Variants in REPS1 observed in about 807,000 individuals in gnomAD.
REPS1 encodes RALBP1 associated Eps domain containing 1, also known as ralBP1-associated Eps domain-containing protein 1.
In REPS1, 39 loss-of-function variants were observed where a neutral mutation model predicts 100.9. The observed-to-expected ratio is 0.39, with a 90% CI of 0.30 to 0.50. The LOEUF (loss-of-function observed/expected upper bound fraction) is 0.50. REPS1 is among the 20% of genes least tolerant of loss of function. The pLI, the probability that REPS1 is intolerant of heterozygous loss-of-function variation, is 0.86. For missense variants in REPS1, 821 were observed against 968.5 expected, an observed-to-expected ratio of 0.85 and a Z score of 2.02; for synonymous variants, 324 against 340.3, an observed-to-expected ratio of 0.95 and a Z score of 0.53.
intron 1 of REPS1, among the ~76,000 whole-genome samples, chr6:138,949,859 T>A (rs1011465393): frequency 1.3e-5 from 2 of 152,146 alleles, no homozygotes; most frequent in Non-Finnish European, 2.9e-5. Flanking sequence ...TAAGTGTGTG[T>A]AGAATTGATG....
At chr6:138,935,521 A>C (rs903380727) in intron 8 of REPS1, among the ~76,000 whole-genome samples, 1 of 152,164 alleles carries the variant, frequency 6.6e-6, no homozygotes, top group African/African-American at 2.4e-5. Context: ...TGTCTTAAAA[A>C]TCTACAGAGA....
At chr6:138,987,468 C>T (rs1404190147) in intron 1 of REPS1, 62 bp downstream of exon 1, 2 of 1,418,152 alleles carry the variant, frequency 1.4e-6, no homozygotes, top group African/African-American at 1.5e-5. Flanking sequence ...CGCCCACTCC[C>T]ACTCCTGGAG....
intron 17 of REPS1, among the ~76,000 whole-genome samples, chr6:138,910,373 G>A (rs904772374): frequency 3.3e-5 from 5 of 151,836 alleles, no homozygotes; most frequent in African/African-American, 1.2e-4. Context: ...TTCTTTTTTT[G>A]AGACAGGGTC....
At chr6:138,949,796 T>C (rs931740968) in intron 1 of REPS1, among the ~76,000 whole-genome samples, 1 of 152,210 alleles carries the variant, frequency 6.6e-6, no homozygotes, top group African/African-American at 2.4e-5. Context: ...AATTCATTTA[T>C]TCAATGACTA....
chr6:138,986,333 C>G (rs771280121), intron 1 of REPS1, among the ~76,000 whole-genome samples: 2 of 152,210 alleles, frequency 1.3e-5, no homozygotes, highest in Non-Finnish European at 2.9e-5. Flanking sequence ...TTAAAAAGAT[C>G]GAACTCGTTC....
rs1562510627 is a variant in REPS1 at position 138,911,464 on chromosome 6, A to T, written c.1972-93T>A. On this transcript the variant is annotated intron_variant, in intron 16 of 19. Transcript: ENST00000450536. ...GTACCAAATCAGAATAAAATGTTAA[A>T]TATTCTGACAAGAAAACTGAGATGA... The T allele has an allele frequency of 5.9e-6, 5 of 854,028 alleles. 1 individual carries two copies. The East Asian group carries it at 8.0e-5, about 14-fold the overall frequency. 52.9% of individuals were successfully genotyped at this position (854,028 alleles called of 1,614,324 possible).
chr6:138,986,497 T>TAC lies in REPS1; in HGVS notation c.153+1032_153+1033insGT, dbSNP rs144194021. 5.2e-3 allele frequency among the ~76,000 whole-genome samples: 788 copies of TAC among 152,282 alleles called. 15 individuals are homozygous for TAC. The highest frequency in any genetic ancestry group is 0.043 in the Admixed American group (651 of 15,290). On this transcript the variant is annotated intron_variant, in intron 1 of 19. Coordinates refer to ENST00000450536, the MANE Select transcript of REPS1 (RefSeq NM_001286611.2). ...AAAATGGAAAGTGCCTGACCCAAAG[T>TAC]CACACTGCTGGTTAACAGCAGAGTA...
At position 138,943,937 on chromosome 6, in the gene REPS1, G is replaced by A. The variant is rs371776621; in HGVS notation, c.832C>T (p.Pro278Ser). Reference sequence around the variant, plus strand: ...CTTTGTTCATCTGTTATTTTCCAGGGATCATCATAACTACTGGATTGCCTA... The same window carrying A: ...CTTTGTTCATCTGTTATTTTCCAGGAATCATCATAACTACTGGATTGCCTA... Reference protein sequence around the residue: ...IRRQSSSYDDPWKITDEQRQY... With the variant: ...IRRQSSSYDDSWKITDEQRQY... The change falls in exon 6 of 20, where the codon CCC becomes TCC. Residue 278 changes from proline (P) to serine (S), a missense_variant. Pro to Ser is a moderately conservative substitution (Grantham distance 74). Transcript: ENST00000450536. The A allele has an allele frequency of 1.5e-4, 242 of 1,613,380 alleles. No homozygotes were observed. The highest frequency in any genetic ancestry group is 2.0e-4 in the Non-Finnish European group (238 of 1,179,478).
At position 138,987,841 on chromosome 6, in the gene REPS1, G is replaced by GGGCCCGGAGGTC. The variant is rs1256817006; in HGVS notation, c.-171_-160dup. 2 of 824,130 alleles carry GGGCCCGGAGGTC rather than the reference G, an allele frequency of 2.4e-6. No homozygotes were observed. The highest frequency in any genetic ancestry group is 3.3e-6 in the Non-Finnish European group (2 of 614,018). 51.1% of individuals were successfully genotyped at this position (824,130 alleles called of 1,614,324 possible). ...ACGCGCCAGGTGCGCCCGAGCAACAGGGCCCGGAGGTCGCGAGGAGGGGGC... is the reference window on the plus strand; with the variant it reads ...ACGCGCCAGGTGCGCCCGAGCAACAGGGCCCGGAGGTCGGCCCGGAGGTCGCGAGGAGGGGGC... On this transcript the variant is annotated 5_prime_UTR_variant, in exon 1 of 20. Coordinates refer to ENST00000450536, the MANE Select transcript of REPS1 (RefSeq NM_001286611.2).
At chr6:138,943,384 G>T in intron 7 of REPS1, 129 bp downstream of exon 7, 1 of 539,744 alleles carries the variant, frequency 1.9e-6, no homozygotes, top group Non-Finnish European at 3.3e-6. Context: ...GCTATTGTAA[G>T]GCAATACTGA....
intron 1 of REPS1, among the ~76,000 whole-genome samples, chr6:138,956,929 T>C (rs1247951239): frequency 1.3e-5 from 2 of 151,354 alleles, no homozygotes; most frequent in Non-Finnish European, 2.9e-5. Context: ...AAAAGAACCA[T>C]CAGAGAACAA....
intron 1 of REPS1, among the ~76,000 whole-genome samples, chr6:138,977,598 TTTC>T (rs202212674): frequency 2.7e-5 from 4 of 148,082 alleles, no homozygotes; most frequent in Non-Finnish European, 4.5e-5. Context: ...CACTAATTTG[TTTC>T]TTTTTTATTG....
At chr6:138,966,051 G>A (rs1246599586) in intron 1 of REPS1, among the ~76,000 whole-genome samples, 5 of 152,116 alleles carry the variant, frequency 3.3e-5, no homozygotes, top group Admixed American at 1.3e-4. Context: ...AGTACAGAGA[G>A]GCTCAGTAAT....
intron 1 of REPS1, among the ~76,000 whole-genome samples, chr6:138,978,204 TATC>T (rs1315218308): frequency 6.6e-5 from 10 of 152,222 alleles, no homozygotes; most frequent in African/African-American, 2.4e-4. Context: ...ATCTGTGGCT[TATC>T]TTTTTATACT....
At chr6:138,909,878 A>G (rs1779896434) in intron 17 of REPS1, among the ~76,000 whole-genome samples, 1 of 152,228 alleles carries the variant, frequency 6.6e-6, no homozygotes, top group Non-Finnish European at 1.5e-5. Flanking sequence ...CACAGTGTCC[A>G]GAAAGTAGAA....
intron 17 of REPS1, among the ~76,000 whole-genome samples, chr6:138,909,236 A>G (rs1468622848): frequency 6.6e-6 from 1 of 152,240 alleles, no homozygotes; most frequent in African/African-American, 2.4e-5. Context: ...AAAGTAATGG[A>G]AAGCTAGGCA....
chr6:138,933,210 C>T (rs147869614), intron 8 of REPS1, among the ~76,000 whole-genome samples: 1 of 152,258 alleles, frequency 6.6e-6, no homozygotes, highest in Non-Finnish European at 1.5e-5. Context: ...AATAGTCCTT[C>T]CTTTTATTGT....
At chr6:138,944,763 A>C in intron 4 of REPS1, 141 bp from the exon 5 acceptor site, 1 of 708,126 alleles carries the variant, frequency 1.4e-6, no homozygotes, top group Non-Finnish European at 2.3e-6. Flanking sequence ...ATTATACCTC[A>C]TTTAAATATC....
chr6:138,974,164 T>C (rs150845888), intron 1 of REPS1, among the ~76,000 whole-genome samples: 31 of 152,198 alleles, frequency 2.0e-4, no homozygotes, highest in African/African-American at 7.5e-4. Flanking sequence ...TCTGAATATA[T>C]GGAGAATAGG....
Sources: gnomAD v4.1 joint callset for allele counts (sites outside exome capture counted in the v4.1 genomes callset) on GRCh38, gnomAD v4.1.1 for gene constraint, MANE v1.5 for transcripts, NCBI Gene and HGNC (gene_info 2026-07-23, HGNC 2026-07-21) for gene names.